Variants in CLIC5 observed in about 807,000 individuals in gnomAD.
The protein encoded by CLIC5 is CLIC family member 5, also known as chloride intracellular channel protein 5.
Under a neutral mutation model 24.7 loss-of-function variants are expected in CLIC5, and 20 were observed. The observed-to-expected ratio is 0.81, with a 90% CI of 0.57 to 1.18. The LOEUF (loss-of-function observed/expected upper bound fraction) is 1.18, where lower values mean the gene tolerates loss of function less well. Among genes scored for constraint, CLIC5 ranks in the 50% most tolerant of loss-of-function variants. The probability of loss-of-function intolerance (pLI) is 0.00; values close to 1 mark genes in which losing one functional copy is unlikely to be tolerated. For missense variants in CLIC5, 341 were observed against 326.1 expected, an observed-to-expected ratio of 1.05 and a Z score of -0.35; for synonymous variants, 159 against 135.6, an observed-to-expected ratio of 1.17 and a Z score of -1.20.
intron 1 of CLIC5, among the ~76,000 whole-genome samples, chr6:46,040,450 AGTG>A (rs1380546669): frequency 1.9e-4 from 29 of 152,164 alleles, no homozygotes; most frequent in African/African-American, 5.3e-4. Context: ...ACACAGTAAT[AGTG>A]GTGGTGGTGA....
In CLIC5 at chr6:45,902,701, C is replaced by T. The variant is rs1019721190; in HGVS notation, c.*387G>A. On this transcript the variant is annotated 3_prime_UTR_variant, in exon 6 of 6. Coordinates refer to ENST00000339561, the MANE Select transcript of CLIC5 (RefSeq NM_016929.5). The stretch of plus-strand genomic sequence containing the variant: ...TTGTCCTTGGCCTTGTAGGTATGGA[C>T]GGAGAGGAGGGTAGAAAAGGAGTTG... 7.3e-5 allele frequency: 15 copies of T among 206,778 alleles called. No homozygotes were observed. The highest frequency in any genetic ancestry group is 2.3e-4 in the South Asian group (3 of 13,292). The allele number at this position is 206,778 out of a possible 1,614,324, so 12.8% of individuals were successfully genotyped here.
At chr6:45,886,908 C>T (rs926077984) in intron 6 of CLIC5, among the ~76,000 whole-genome samples, 1 of 152,190 alleles carries the variant, frequency 6.6e-6, no homozygotes. Context: ...ATCTCCTGAT[C>T]ATTCCTGGGA....
In CLIC5 at chr6:46,015,741, A is replaced by G. The variant is rs952892753; in HGVS notation, c.-199T>C. 33 of 1,239,158 alleles carry G rather than the reference A, an allele frequency of 2.7e-5. No homozygotes were observed. Among genetic ancestry groups the G allele is most frequent in the Non-Finnish European group, 3.1e-5 (31 of 991,562 alleles). The allele number at this position is 1,239,158 out of a possible 1,614,324, so 76.8% of individuals were successfully genotyped here. A position where few individuals can be genotyped will look rare whatever the true frequency, so the allele number is the denominator to read the frequency against. ...TGTCCCAGATGCTCACATGAAAAGGAGCGAAGCCGGGAGGAGGCGGGGGGC... is the reference window on the plus strand; with the variant it reads ...TGTCCCAGATGCTCACATGAAAAGGGGCGAAGCCGGGAGGAGGCGGGGGGC... On this transcript the variant is annotated 5_prime_UTR_variant, in exon 1 of 6. Coordinates refer to ENST00000339561, the MANE Select transcript of CLIC5 (RefSeq NM_016929.5).
At chr6:45,921,650 A>C (rs991017739) in intron 4 of CLIC5, among the ~76,000 whole-genome samples, 2 of 151,774 alleles carry the variant, frequency 1.3e-5, no homozygotes, top group Non-Finnish European at 2.9e-5. Flanking sequence ...TCAGTGTCTG[A>C]AGTGAAGTTT....
intron 1 of CLIC5, among the ~76,000 whole-genome samples, chr6:46,033,877 G>A (rs1767582127): frequency 6.6e-6 from 1 of 152,138 alleles, no homozygotes; most frequent in Non-Finnish European, 1.5e-5. Flanking sequence ...GACATCTAGA[G>A]ACTGGTTTTA....
At chr6:46,001,626 G>A (rs1174295109) in intron 1 of CLIC5, among the ~76,000 whole-genome samples, 1 of 152,148 alleles carries the variant, frequency 6.6e-6, no homozygotes, top group Non-Finnish European at 1.5e-5. Context: ...CTGGCACCTG[G>A]TAGGCTTCAG....
chr6:46,057,542 T>C (rs1203783247), intron 1 of CLIC5, among the ~76,000 whole-genome samples: 3 of 152,218 alleles, frequency 2.0e-5, no homozygotes, highest in Non-Finnish European at 4.4e-5. Flanking sequence ...AGAGTTGCTT[T>C]TGTGGGCAAA....
rs548152364 is a variant in CLIC5 at position 46,080,280 on chromosome 6, G to A, written c.-38C>T. On this transcript the variant is annotated 5_prime_UTR_variant, in exon 1 of 6. Coordinates refer to the CLIC5 transcript ENST00000185206. ...GAGAGATCTGTTTACAGGGAGACCT[G>A]AGTAGATCTGAAATGAATGAAGGGA... is the stretch of plus-strand genomic sequence containing the variant. The A allele has an allele frequency of 6.7e-6, 10 of 1,502,454 alleles. No individual in the cohort carries two copies. In the African/African-American group the frequency reaches 8.3e-5, roughly 13 times the overall value. 93.1% of individuals were successfully genotyped at this position (1,502,454 alleles called of 1,614,324 possible). A position where few individuals can be genotyped will look rare whatever the true frequency, so the allele number is the denominator to read the frequency against.
chr6:45,945,484 A>G (rs1039383765), intron 3 of CLIC5, among the ~76,000 whole-genome samples: 3 of 152,010 alleles, frequency 2.0e-5, no homozygotes, highest in African/African-American at 7.3e-5. Flanking sequence ...ACACTTTGGG[A>G]GATCTTTCTT....
At chr6:45,912,099 T>A in intron 5 of CLIC5, 1 of 986,132 alleles carries the variant, frequency 1.0e-6, no homozygotes. Context: ...GTTCTGAATT[T>A]GCTCTTTCAT....
chr6:46,056,206 C>T (rs1454562771), intron 1 of CLIC5, among the ~76,000 whole-genome samples: 1 of 152,180 alleles, frequency 6.6e-6, no homozygotes, highest in Non-Finnish European at 1.5e-5. Context: ...TGAGCCCTGT[C>T]TGCCCACCCC....
intron 3 of CLIC5, among the ~76,000 whole-genome samples, chr6:45,942,306 CT>C (rs1764159155): frequency 6.6e-6 from 1 of 151,738 alleles, no homozygotes; most frequent in South Asian, 2.1e-4. Flanking sequence ...TCCAGCCCCC[CT>C]CTCTCTCTCT....
At chr6:45,952,189 C>T (rs112143178) in intron 2 of CLIC5, among the ~76,000 whole-genome samples, 3,176 of 152,208 alleles carry the variant, frequency 0.021, 41 homozygotes, top group Non-Finnish European at 0.035. Flanking sequence ...TGGAGTCAGA[C>T]GCCCTTGGGA....
chr6:46,104,648 C>A, the CLIC5 span, among the ~76,000 whole-genome samples: 13 of 143,332 alleles, frequency 9.1e-5, no homozygotes, highest in Admixed American at 9.2e-4. Context: ...CATAAAGAGG[C>A]AAAGACTCCT....
At chr6:46,057,614 A>G (rs1452641171) in intron 1 of CLIC5, among the ~76,000 whole-genome samples, 1 of 152,190 alleles carries the variant, frequency 6.6e-6, no homozygotes, top group Non-Finnish European at 1.5e-5. Flanking sequence ...GGTAAATTTC[A>G]GACTCCTTAA....
chr6:46,015,835 G>T lies in CLIC5; in HGVS notation c.-293C>A. ...GCAACAAGTGCCGGGCTGCCCGGAG[G>T]TGTCACAGGATCCGCGACTGTCAGC... is the stretch of plus-strand genomic sequence containing the variant. On this transcript the variant is annotated 5_prime_UTR_variant, in exon 1 of 6. Transcript: ENST00000339561. The T allele has an allele frequency of 5.3e-6, 6 of 1,142,732 alleles. No homozygotes were observed. Among genetic ancestry groups the T allele is most frequent in the Non-Finnish European group, 5.4e-6 (5 of 930,418 alleles). 70.8% of individuals were successfully genotyped at this position (1,142,732 alleles called of 1,614,324 possible).
chr6:46,069,424 A>G (rs999581689), intron 1 of CLIC5, among the ~76,000 whole-genome samples: 2 of 152,170 alleles, frequency 1.3e-5, no homozygotes, highest in Non-Finnish European at 2.9e-5. Context: ...AGAGAATACG[A>G]TGAACACCCC....
chr6:46,014,716 T>C (rs1349560863), intron 1 of CLIC5: 1 of 152,240 alleles, frequency 6.6e-6, no homozygotes, highest in Non-Finnish European at 1.5e-5. Context: ...TCCTTCCTCC[T>C]ACAGGTTGCA....
Position 46,015,537 on chromosome 6 carries a change from T to C in CLIC5, c.6A>G (p.Thr2=), listed in dbSNP as rs1766971062. 3 of 1,575,886 alleles carry C rather than the reference T, an allele frequency of 1.9e-6. No homozygotes were observed. The highest frequency in any genetic ancestry group is 2.6e-6 in the Non-Finnish European group (3 of 1,162,488). Residue 2 remains threonine (T), a synonymous_variant, in exon 1 of 6, where the codon ACA becomes ACG. Coordinates refer to ENST00000339561, the MANE Select transcript of CLIC5 (RefSeq NM_016929.5). The part of the protein sequence containing the change: M[T]DSATANGDDR... ...CGTCCCCGTTAGCTGTCGCCGAGTC[T>C]GTCATGCCGTTGGCGCCCGGGGCTA... is the stretch of plus-strand genomic sequence containing the variant.
Sources: gnomAD v4.1 joint callset for allele counts (sites outside exome capture counted in the v4.1 genomes callset) on GRCh38, gnomAD v4.1.1 for gene constraint, MANE v1.5 for transcripts, NCBI Gene and HGNC (gene_info 2026-07-23, HGNC 2026-07-21) for gene names.